Variants in PDHA1 observed in about 807,000 individuals in gnomAD.
The protein encoded by PDHA1 is pyruvate dehydrogenase E1 component subunit alpha, somatic form, mitochondrial.
PDHA1 carries 1 observed loss-of-function variant against 33.0 expected under a neutral mutation model. That is an observed-to-expected ratio of 0.03 (90% confidence interval 0.01 to 0.14). The LOEUF is 0.14. PDHA1 is among the 10% of genes least tolerant of loss of function. PDHA1 has a pLI of 1.00. For synonymous variants in PDHA1, 123 were observed against 119.2 expected (o/e 1.03, Z -0.21); for missense variants, 168 against 325.1 (o/e 0.52, Z 3.72).
At chrX:19,347,229 C>T (rs767408928) in intron 1 of PDHA1, among the ~76,000 whole-genome samples, 64 of 111,592 alleles carry the variant, frequency 5.7e-4, no homozygotes, top group African/African-American at 1.4e-3. Context: ...GTGGGTTGTT[C>T]GTGGTCTCTG....
At chrX:19,354,166 G>T (rs900324045) in intron 5 of PDHA1, among the ~76,000 whole-genome samples, 2 of 112,039 alleles carry the variant, frequency 1.8e-5, no homozygotes, top group African/African-American at 3.2e-5. Context: ...GGATGGTCTC[G>T]ATCTGTGGAC....
At position 19,359,975 on chromosome X, in the gene PDHA1, G is replaced by A. The variant is rs1042450; in HGVS notation, c.*322G>A. On this transcript the variant is annotated 3_prime_UTR_variant, in exon 11 of 11. Transcript: ENST00000422285. ...CTTTTTGGGAGGAGACCATTATGGCGGGGCCCCTCACAGCATTCTACCAAC... is the reference window on the plus strand; with the variant it reads ...CTTTTTGGGAGGAGACCATTATGGCAGGGCCCCTCACAGCATTCTACCAAC... 0.13 allele frequency: 38,854 copies of A among 300,023 alleles called. 6,259 individuals carry two copies. Among genetic ancestry groups the A allele is most frequent in the African/African-American group, 0.65 (23,522 of 35,920 alleles). 24.7% of individuals were successfully genotyped at this position (300,023 alleles called of 1,213,427 possible).
intron 1 of PDHA1, among the ~76,000 whole-genome samples, chrX:19,345,235 A>C (rs1471402426): frequency 9.0e-6 from 1 of 110,702 alleles, no homozygotes; most frequent in East Asian, 2.8e-4. Flanking sequence ...AGATTGTCAA[A>C]AGGTAAGAGG....
At chrX:19,346,905 G>T (rs932609557) in intron 1 of PDHA1, among the ~76,000 whole-genome samples, 1 of 111,888 alleles carries the variant, frequency 8.9e-6, no homozygotes, top group African/African-American at 3.2e-5. Context: ...TGGAATTTTT[G>T]AAACGTTTTT....
intron 9 of PDHA1, 37 bp downstream of exon 9, chrX:19,357,756 G>T (rs745885596): frequency 9.5e-7 from 1 of 1,056,127 alleles, no homozygotes; most frequent in South Asian, 1.9e-5. Flanking sequence ...ATAGGGGTGG[G>T]CTTTGAATGG....
chrX:19,358,215 G>T (rs1406606215), intron 9 of PDHA1, among the ~76,000 whole-genome samples: 1 of 112,159 alleles, frequency 8.9e-6, no homozygotes. Flanking sequence ...TTGCTTAGTA[G>T]CTCTGGCCTG....
chrX:19,359,790 G>GTAGTAAT lies in PDHA1; in HGVS notation c.*139_*145dup, dbSNP rs1239056915. The GTAGTAAT allele has an allele frequency of 3.6e-6, 2 of 560,569 alleles. No homozygotes were observed. Among genetic ancestry groups the GTAGTAAT allele is most frequent in the African/African-American group, 2.3e-5 (1 of 44,251 alleles). The allele number at this position is 560,569 out of a possible 1,213,427, so 46.2% of individuals were successfully genotyped here. ...TCCATTAAGTGTGTAGATTGAGCAG[G>GTAGTAAT]TAGTAATTGCATGCAGTTTGTACAT... On this transcript the variant is annotated 3_prime_UTR_variant, in exon 11 of 11. Coordinates refer to ENST00000422285, the MANE Select transcript of PDHA1 (RefSeq NM_000284.4).
chrX:19,352,321 G>A (rs1352335531), intron 4 of PDHA1, among the ~76,000 whole-genome samples: 2 of 103,065 alleles, frequency 1.9e-5, no homozygotes, highest in East Asian at 3.2e-4. Context: ...TGCAGCCTCC[G>A]CCCCCCGGGT....
In PDHA1 at chrX:19,360,803, C is replaced by A; in HGVS notation, c.*1150C>A. The A allele has an allele frequency of 1.7e-6, 2 of 1,208,762 alleles. No individual in the cohort carries two copies. Among genetic ancestry groups the A allele is most frequent in the South Asian group, 3.5e-5 (2 of 56,607 alleles). ...CCTGAGCCCTTCTGTACTGGGAGAC[C>A]GCACTCCAGAGTCTGCAGAGGAGAC... On this transcript the variant is annotated 3_prime_UTR_variant, in exon 11 of 11. Coordinates refer to ENST00000422285, the MANE Select transcript of PDHA1 (RefSeq NM_000284.4).
chrX:19,350,184 C>T lies in PDHA1; in HGVS notation c.291+74C>T, dbSNP rs73453465. ...TGGCTTGTACTTATTGGGCTTTACCCTGCCATATGTATCAGAAGAGTTTGA... is the reference window on the plus strand; with the variant it reads ...TGGCTTGTACTTATTGGGCTTTACCTTGCCATATGTATCAGAAGAGTTTGA... On this transcript the variant is annotated intron_variant, in intron 3 of 10. Coordinates refer to ENST00000422285, the MANE Select transcript of PDHA1 (RefSeq NM_000284.4). The T allele has an allele frequency of 7.7e-4, 562 of 730,804 alleles. 4 individuals are homozygous for T. In the African/African-American group the frequency reaches 9.1e-3, roughly 12 times the overall value. 60.2% of individuals were successfully genotyped at this position (730,804 alleles called of 1,213,427 possible). A position where few individuals can be genotyped will look rare whatever the true frequency, so the allele number is the denominator to read the frequency against.
chrX:19,346,493 A>C (rs971633023), intron 1 of PDHA1: 1 of 446,340 alleles, frequency 2.2e-6, no homozygotes, highest in South Asian at 3.9e-5. Context: ...CAATTAAAAA[A>C]ATTTTTTTTT....
intron 1 of PDHA1, chrX:19,345,748 C>G (rs761234278): frequency 1.0e-4 from 22 of 220,940 alleles, no homozygotes; most frequent in Admixed American, 5.8e-5. Context: ...TGCAGGGTCC[C>G]CCCCCCCCCG....
intron 9 of PDHA1, among the ~76,000 whole-genome samples, chrX:19,358,590 CATCTAA>C (rs983555521): frequency 9.0e-6 from 1 of 111,654 alleles, no homozygotes; most frequent in African/African-American, 3.3e-5. Flanking sequence ...TAGAACCTTA[CATCTAA>C]ATCAAAGCAG....
intron 4 of PDHA1, 55 bp from the exon 5 acceptor site, chrX:19,353,027 G>GTTTGC: frequency 3.0e-6 from 3 of 1,015,617 alleles, no homozygotes; most frequent in South Asian, 3.8e-5. Context: ...GTGCGGTTTG[G>GTTTGC]TTTGCTTTGT....
At chrX:19,356,266 T>TAA (rs1156587939) in intron 8 of PDHA1, among the ~76,000 whole-genome samples, 3 of 111,703 alleles carry the variant, frequency 2.7e-5, no homozygotes, top group Non-Finnish European at 5.6e-5. Context: ...GAGACTGGCC[T>TAA]AAAGAGGTTT....
intron 1 of PDHA1, among the ~76,000 whole-genome samples, chrX:19,347,914 TTGTC>T (rs1159452603): frequency 1.2e-4 from 13 of 112,408 alleles, no homozygotes; most frequent in African/African-American, 2.9e-4. Flanking sequence ...AGCACTGTCA[TTGTC>T]TGTGTTTGTT....
At chrX:19,353,692 G>A in intron 5 of PDHA1, among the ~76,000 whole-genome samples, 1 of 111,763 alleles carries the variant, frequency 8.9e-6, no homozygotes, top group Non-Finnish European at 1.9e-5. Flanking sequence ...GATTTGGATG[G>A]TGATTTATAA....
chrX:19,349,922 C>T lies in PDHA1; in HGVS notation c.118-15C>T. On this transcript the variant is annotated splice_polypyrimidine_tract_variant and intron_variant, in intron 2 of 10. Transcript: ENST00000422285. ...GTAGTATGTGGAGGATAATAACTAC[C>T]TTATTCCATTTCAGAAATGTGACCT... The T allele has an allele frequency of 1.7e-6, 2 of 1,192,592 alleles. No homozygotes were observed. Among genetic ancestry groups the T allele is most frequent in the East Asian group, 3.0e-5 (1 of 33,800 alleles).
rs757875138 is a variant in PDHA1 at position 19,344,110 on chromosome X, C to A, written c.57+16C>A. Reference sequence around the variant, plus strand: ...TCAGAAGCCGGTGAGACCTCCCGGGCGGGCCGGGATGGGGCGCGAGTGGGG... The same window carrying A: ...TCAGAAGCCGGTGAGACCTCCCGGGAGGGCCGGGATGGGGCGCGAGTGGGG... On this transcript the variant is annotated intron_variant, in intron 1 of 10. Transcript: ENST00000422285. 4.2e-6 allele frequency: 5 copies of A among 1,190,289 alleles called. No homozygotes were observed. The highest frequency in any genetic ancestry group is 5.7e-6 in the Non-Finnish European group (5 of 881,636).
Sources: allele counts gnomAD v4.1 joint callset (sites outside exome capture counted in the v4.1 genomes callset), GRCh38; gene constraint gnomAD v4.1.1; transcripts MANE v1.5; gene names NCBI Gene and HGNC (gene_info 2026-07-23, HGNC 2026-07-21).